ATP2C2: variants seen among roughly 807,000 people sequenced by gnomAD.
The protein encoded by ATP2C2 is calcium-transporting ATPase type 2C member 2.
Under a neutral mutation model 110.8 loss-of-function variants are expected in ATP2C2, and 171 were observed. The ratio of observed to expected loss-of-function variants is 1.54; its 90% CI spans 1.36 to 1.75. The LOEUF (loss-of-function observed/expected upper bound fraction) is 1.75. Among genes scored for constraint, ATP2C2 ranks in the 40% most tolerant of loss-of-function variants. ATP2C2 has a pLI of 0.00. For missense variants in ATP2C2, 1,963 were observed against 1,235.0 expected (o/e 1.59, Z -8.84); for synonymous variants, 804 against 508.4 (o/e 1.58, Z -7.82).
rs1052746815 is a variant in ATP2C2 at position 84,381,470 on chromosome 16, A to G, written c.99+12756A>G. ...CATGAGCCTGTAATCCCAGCTACTC[A>G]GGAGGCTGAGGCAGGAGAATTGCTT... On this transcript the variant is annotated intron_variant, in intron 1 of 26. Transcript: ENST00000262429. Among the ~76,000 whole-genome samples the G allele has an allele frequency of 2.0e-5, 3 of 152,072 alleles. No individual in the cohort carries two copies. In the South Asian group the frequency reaches 6.2e-4, roughly 32 times the overall value.
chr16:84,440,890 G>C lies in ATP2C2; in HGVS notation c.1243G>C (p.Val415Leu), dbSNP rs368113798. The change falls in exon 14 of 27, where the codon GTG (valine) becomes CTG (leucine). Residue 415 changes from valine to leucine, a missense_variant. Val to Leu is a conservative substitution (Grantham distance 32, BLOSUM62 1). Transcript: ENST00000262429. ...SGVGYDGQGT[V>L]CLLPSKEVIK... ...AGTTGGGTATGACGGTCAAGGGACT[G>C]TGTGTCTTCTACCATCCAAGGAAGT... is the stretch of plus-strand genomic sequence containing the variant. The C allele has an allele frequency of 1.7e-5, 28 of 1,613,662 alleles. No homozygotes were observed. In the African/African-American group the frequency reaches 1.9e-4, roughly 11 times the overall value.
intron 21 of ATP2C2, 84 bp downstream of exon 21, chr16:84,455,068 A>AGCG: frequency 1.6e-6 from 2 of 1,250,364 alleles, no homozygotes; most frequent in Non-Finnish European, 2.2e-6. Flanking sequence ...CTGTGGAGAT[A>AGCG]GAGGGGGGGG....
chr16:84,451,533 A>G (rs1910264073), intron 17 of ATP2C2, among the ~76,000 whole-genome samples: 1 of 152,158 alleles, frequency 6.6e-6, no homozygotes, highest in Non-Finnish European at 1.5e-5. Context: ...GATCTGGGCC[A>G]TGGTGGGGGC....
intron 11 of ATP2C2, among the ~76,000 whole-genome samples, chr16:84,436,911 C>A (rs547633571): frequency 1.3e-5 from 2 of 151,702 alleles, no homozygotes; most frequent in Non-Finnish European, 2.9e-5. Flanking sequence ...TACAGGCATG[C>A]GCCACCACGC....
In ATP2C2 at chr16:84,459,176, T is replaced by G. The variant is rs768905879; in HGVS notation, c.2204T>G (p.Phe735Cys). The part of the protein sequence containing the change: ...IFYNIKNFVR[F>C]QLSTSISALS... ...TACAACATCAAAAACTTTGTCCGAT[T>G]CCAGCTGAGCACGTAAGTAGAGGCC... Residue 735 changes from phenylalanine (F) to cysteine (C), a missense_variant, in exon 22 of 27, where the codon TTC (phenylalanine) becomes TGC (cysteine). Coordinates refer to ENST00000262429, the MANE Select transcript of ATP2C2 (RefSeq NM_014861.4). 1 of 1,614,198 alleles carries G rather than the reference T, an allele frequency of 6.2e-7. No homozygotes were observed. The highest frequency in any genetic ancestry group is 1.1e-5 in the South Asian group (1 of 91,082).
intron 1 of ATP2C2, among the ~76,000 whole-genome samples, chr16:84,387,839 C>T (rs1011783382): frequency 7.2e-5 from 11 of 151,954 alleles, no homozygotes; most frequent in African/African-American, 2.4e-4. Context: ...GTAATCCCAG[C>T]ACTTTGGGAA....
chr16:84,422,733 G>A (rs1414924824), intron 9 of ATP2C2, 36 bp downstream of exon 9: 2 of 1,572,906 alleles, frequency 1.3e-6, no homozygotes, highest in South Asian at 2.3e-5. Context: ...ACTTTTGTAA[G>A]CTGGAGTTTG....
intron 1 of ATP2C2, 79 bp downstream of exon 1, chr16:84,368,793 C>G (rs1909782244): frequency 1.1e-5 from 14 of 1,230,642 alleles, no homozygotes; most frequent in Middle Eastern, 2.7e-4. Flanking sequence ...GGCCCGAGAC[C>G]CCGCGTTCGC....
At chr16:84,397,031 A>G (rs535917951) in intron 1 of ATP2C2, among the ~76,000 whole-genome samples, 5 of 152,050 alleles carry the variant, frequency 3.3e-5, no homozygotes, top group South Asian at 2.1e-4. Flanking sequence ...AAGTTACTCA[A>G]TACCTCTCCT....
chr16:84,462,619 G>A (rs1312051161), intron 26 of ATP2C2: 3 of 154,362 alleles, frequency 1.9e-5, no homozygotes, highest in Non-Finnish European at 4.3e-5. Context: ...GCCCTGGTGT[G>A]GAGCCCAGGG....
In ATP2C2 at chr16:84,452,843, A is replaced by G. The variant is rs554401733; in HGVS notation, c.1832-295A>G. On this transcript the variant is annotated intron_variant, in intron 18 of 26. Coordinates refer to ENST00000262429, the MANE Select transcript of ATP2C2 (RefSeq NM_014861.4). Reference sequence around the variant, plus strand: ...GGGTGGTCTCAGCCTGGTGCTGGGAAAAGGTTCACGGGCTTTGGAATCAGA... The same window carrying G: ...GGGTGGTCTCAGCCTGGTGCTGGGAGAAGGTTCACGGGCTTTGGAATCAGA... 4.3e-4 allele frequency among the ~76,000 whole-genome samples: 66 copies of G among 152,234 alleles called. 1 individual carries two copies. In the South Asian group the frequency reaches 0.013, roughly 30 times the overall value.
intron 2 of ATP2C2, among the ~76,000 whole-genome samples, chr16:84,399,979 C>T (rs1375527161): frequency 6.6e-6 from 1 of 152,092 alleles, no homozygotes; most frequent in East Asian, 1.9e-4. Context: ...TAATTTTTAG[C>T]TTCCACTAAT....
At chr16:84,392,636 T>C (rs761457108) in intron 1 of ATP2C2, among the ~76,000 whole-genome samples, 4 of 152,190 alleles carry the variant, frequency 2.6e-5, no homozygotes, top group Middle Eastern at 3.2e-3. Context: ...CTAATTCTTA[T>C]ATTTTTAGTA....
intron 15 of ATP2C2, 81 bp from the exon 16 acceptor site, chr16:84,446,248 T>C: frequency 1.3e-6 from 1 of 763,138 alleles, no homozygotes. Context: ...GTTTGAACAA[T>C]GAATAATTTA....
intron 11 of ATP2C2, among the ~76,000 whole-genome samples, chr16:84,427,863 T>C (rs955777708): frequency 9.2e-5 from 14 of 152,134 alleles, no homozygotes; most frequent in Non-Finnish European, 1.9e-4. Flanking sequence ...CCAAAATTGA[T>C]TGTGCGGATA....
chr16:84,386,274 C>T (rs1296442934), intron 1 of ATP2C2, among the ~76,000 whole-genome samples: 1 of 152,196 alleles, frequency 6.6e-6, no homozygotes, highest in Admixed American at 6.5e-5. Flanking sequence ...TGTGCATATG[C>T]TGCGAGATCT....
intron 1 of ATP2C2, among the ~76,000 whole-genome samples, chr16:84,371,265 C>T (rs1909939135): frequency 6.6e-6 from 1 of 152,156 alleles, no homozygotes. Context: ...GCCTGTCATC[C>T]CCACACTTTG....
In ATP2C2 at chr16:84,448,880, T is replaced by C. The variant is rs527314232; in HGVS notation, c.1660+191T>C. On this transcript the variant is annotated intron_variant, in intron 17 of 26. Coordinates refer to ENST00000262429, the MANE Select transcript of ATP2C2 (RefSeq NM_014861.4). Reference sequence around the variant, plus strand: ...CACAGAGGTCCCCACCTCATCCCAGTTCCTTAGTGACCCCCATTAATCCAG... The same window carrying C: ...CACAGAGGTCCCCACCTCATCCCAGCTCCTTAGTGACCCCCATTAATCCAG... 5.3e-5 allele frequency among the ~76,000 whole-genome samples: 8 copies of C among 152,310 alleles called. No individual in the cohort carries two copies. The East Asian group carries it at 1.5e-3, about 29-fold the overall frequency.
rs1330281373 is a variant in ATP2C2, at chr16:84,461,703, T to C, written c.2482-11T>C. The C allele has an allele frequency of 1.9e-6, 3 of 1,612,334 alleles. No homozygotes were observed. The highest frequency in any genetic ancestry group is 1.7e-5 in the Admixed American group (1 of 60,018). On this transcript the variant is annotated splice_polypyrimidine_tract_variant and intron_variant, in intron 24 of 26. Coordinates refer to ENST00000262429, the MANE Select transcript of ATP2C2 (RefSeq NM_014861.4). ...CCCGCCTAACCTCTCACCTTTGTGCTCACCTTCCAGATGCCTGAAGACAGA... is the reference window on the plus strand; with the variant it reads ...CCCGCCTAACCTCTCACCTTTGTGCCCACCTTCCAGATGCCTGAAGACAGA...
Sources: allele counts gnomAD v4.1 joint callset (sites outside exome capture counted in the v4.1 genomes callset), GRCh38; gene constraint gnomAD v4.1.1; transcripts MANE v1.5; gene names NCBI Gene and HGNC (gene_info 2026-07-23, HGNC 2026-07-21).